Variants in NAV3 observed in about 807,000 individuals in gnomAD.
NAV3 encodes pore membrane and/or filament interacting like protein 1.
In NAV3, 87 loss-of-function variants were observed where a neutral mutation model predicts 244.7. The ratio of observed to expected loss-of-function variants is 0.36; its 90% CI spans 0.30 to 0.42. The LOEUF is 0.42. Among genes scored for constraint, NAV3 ranks in the 20% least tolerant of loss-of-function variants. NAV3 has a pLI of 1.00. For missense variants in NAV3, 2,663 were observed against 2,893.3 expected (o/e 0.92, Z 1.83); for synonymous variants, 1,126 against 1,042.2 (o/e 1.08, Z -1.55).
intron 13 of NAV3, among the ~76,000 whole-genome samples, chr12:78,117,255 G>C (rs1482900812): frequency 8.1e-5 from 1 of 12,302 alleles, no homozygotes; most frequent in African/African-American, 2.2e-4. Flanking sequence ...TGGTGGTATA[G>C]TTATCTATAC....
intron 1 of NAV3, among the ~76,000 whole-genome samples, chr12:77,910,765 T>G (rs1432398473): frequency 6.6e-6 from 1 of 152,052 alleles, no homozygotes; most frequent in Admixed American, 6.6e-5. Flanking sequence ...GCACCTTATA[T>G]TCTGTGTTCA....
Position 77,963,683 on chromosome 12 carries a change from G to T in NAV3, c.415-2546G>T, listed in dbSNP as rs111375494. 3.1e-3 allele frequency among the ~76,000 whole-genome samples: 465 copies of T among 152,172 alleles called. 5 individuals carry two copies. The highest frequency in any genetic ancestry group is 0.01 in the African/African-American group (420 of 41,544). On this transcript the variant is annotated intron_variant, in intron 3 of 39. Coordinates refer to ENST00000397909, the MANE Select transcript of NAV3 (RefSeq NM_001024383.2). ...CTAACTTAGCTACTCAGGCAATAAT[G>T]GGGAACATAACTAACTATCTTAAAT...
chr12:77,879,938 A>G (rs1424012052), intron 1 of NAV3, among the ~76,000 whole-genome samples: 1 of 152,150 alleles, frequency 6.6e-6, no homozygotes, highest in Non-Finnish European at 1.5e-5. Context: ...CATTGGTTAA[A>G]TGACTTAAAT....
intron 2 of NAV3, among the ~76,000 whole-genome samples, chr12:77,649,891 T>G (rs1233013142): frequency 6.6e-6 from 1 of 152,208 alleles, no homozygotes; most frequent in African/African-American, 2.4e-5. Context: ...TGAGTTGCTA[T>G]TTTATTTTGG....
At chr12:77,771,794 G>A (rs967199424) in intron 2 of NAV3, among the ~76,000 whole-genome samples, 25 of 152,068 alleles carry the variant, frequency 1.6e-4, no homozygotes, top group African/African-American at 6.0e-4. Flanking sequence ...GATAGCATTA[G>A]GAGATATACC....
At chr12:78,113,212 C>G (rs1488027046) in intron 12 of NAV3, among the ~76,000 whole-genome samples, 1 of 152,224 alleles carries the variant, frequency 6.6e-6, no homozygotes, top group Admixed American at 6.5e-5. Context: ...GCAGCTTTTC[C>G]AGGCACATGG....
At chr12:77,880,991 C>T (rs1004552663) in intron 1 of NAV3, among the ~76,000 whole-genome samples, 1 of 152,120 alleles carries the variant, frequency 6.6e-6, no homozygotes. Context: ...CTTGCTATTG[C>T]TACATTGCCC....
At chr12:77,959,844 G>A (rs1347533088) in intron 3 of NAV3, among the ~76,000 whole-genome samples, 2 of 128,100 alleles carry the variant, frequency 1.6e-5, no homozygotes, top group East Asian at 2.4e-4. Context: ...TGTTGTGATC[G>A]TGTTTTGGTT....
chr12:78,192,555 A>G (rs981540762), intron 34 of NAV3, among the ~76,000 whole-genome samples: 3 of 151,424 alleles, frequency 2.0e-5, no homozygotes, highest in African/African-American at 7.3e-5. Context: ...ACAGGTGCCC[A>G]CCACCACACC....
At chr12:77,882,909 T>C (rs1882836929) in intron 1 of NAV3, among the ~76,000 whole-genome samples, 1 of 152,060 alleles carries the variant, frequency 6.6e-6, no homozygotes, top group Non-Finnish European at 1.5e-5. Context: ...AGAATGGCTA[T>C]TATTAAAAAG....
chr12:77,682,541 A>G (rs1874520498), intron 2 of NAV3, among the ~76,000 whole-genome samples: 1 of 152,142 alleles, frequency 6.6e-6, no homozygotes, highest in Non-Finnish European at 1.5e-5. Context: ...GCTGGATCAT[A>G]TAGTAGTTCT....
At chr12:78,209,992 C>T (rs573010903) in intron 39 of NAV3, among the ~76,000 whole-genome samples, 14 of 152,168 alleles carry the variant, frequency 9.2e-5, no homozygotes, top group Middle Eastern at 6.8e-3. Context: ...CCTCTGTGTG[C>T]GTCTGTGTGT....
At chr12:77,655,599 C>A (rs1361935469) in intron 2 of NAV3, among the ~76,000 whole-genome samples, 2 of 152,030 alleles carry the variant, frequency 1.3e-5, no homozygotes, top group East Asian at 3.9e-4. Context: ...TCAGGAAATA[C>A]AGAGAACGCC....
chr12:78,038,888 C>T (rs142776298), intron 9 of NAV3, among the ~76,000 whole-genome samples: 1 of 152,206 alleles, frequency 6.6e-6, no homozygotes, highest in East Asian at 1.9e-4. Context: ...GATGCTTACT[C>T]AGTTAAATTA....
chr12:77,644,254 C>T (rs186715968), intron 2 of NAV3, among the ~76,000 whole-genome samples: 22 of 151,842 alleles, frequency 1.4e-4, no homozygotes, highest in African/African-American at 3.4e-4. Flanking sequence ...AAGAGGTTCC[C>T]GAGATGTTAG....
intron 13 of NAV3, 72 bp from the exon 14 acceptor site, chr12:78,117,955 C>A (rs113614434): frequency 7.4e-7 from 1 of 1,346,054 alleles, no homozygotes; most frequent in Admixed American, 2.5e-5. Flanking sequence ...TCTGAAAGTA[C>A]ATTTCATTGC....
At chr12:77,876,598 C>A (rs1293365829) in intron 1 of NAV3, among the ~76,000 whole-genome samples, 2 of 151,982 alleles carry the variant, frequency 1.3e-5, no homozygotes, top group African/African-American at 2.4e-5. Flanking sequence ...GAGGAAGGTG[C>A]TTTTGCAATT....
chr12:77,989,557 CA>C (rs149025352), intron 5 of NAV3, among the ~76,000 whole-genome samples: 198 of 152,230 alleles, frequency 1.3e-3, no homozygotes, highest in African/African-American at 4.6e-3. Flanking sequence ...ACTTATGTAG[CA>C]ACAGGCCAGT....
intron 2 of NAV3, among the ~76,000 whole-genome samples, chr12:77,709,670 A>C (rs1876010307): frequency 6.6e-6 from 1 of 152,200 alleles, no homozygotes; most frequent in Admixed American, 6.5e-5. Flanking sequence ...AGTATTGAGA[A>C]ATTACATAAC....
Sources: gnomAD v4.1 joint callset for allele counts (sites outside exome capture counted in the v4.1 genomes callset) on GRCh38, gnomAD v4.1.1 for gene constraint, MANE v1.5 for transcripts, NCBI Gene and HGNC (gene_info 2026-07-23, HGNC 2026-07-21) for gene names.